CDK5RAP2: variants seen among roughly 807,000 people sequenced by gnomAD.
The protein encoded by CDK5RAP2 is CDK5 regulatory subunit-associated protein 2.
CDK5RAP2 carries 147 observed loss-of-function variants against 232.9 expected under a neutral mutation model. The observed-to-expected ratio is 0.63, with a 90% CI of 0.55 to 0.72. The LOEUF is 0.72. Ranked by LOEUF, CDK5RAP2 falls within the 30% of genes least tolerant of loss-of-function variation. The pLI is 0.00. For missense variants in CDK5RAP2, 2,195 were observed against 2,231.5 expected, an observed-to-expected ratio of 0.98 and a Z score of 0.33; for synonymous variants, 833 against 833.7, an observed-to-expected ratio of 1.00 and a Z score of 0.01.
chr9:120,447,906 G>A lies in CDK5RAP2; in HGVS notation c.3014C>T (p.Thr1005Met), dbSNP rs774185457. ...VMEGRPTPDKTLLNAQPPVGA... is the reference protein window; with the variant it reads ...VMEGRPTPDKMLLNAQPPVGA... ...TTCTTGGTGCTTACCATTCAGCAAC[G>A]TTTTGTCGGGCGTTGGCCTCCCCTC... Residue 1005 changes from threonine (T) to methionine (M), a missense_variant, in exon 22 of 38, where the codon ACG becomes ATG. Transcript: ENST00000349780. 1.4e-5 allele frequency: 23 copies of A among 1,613,648 alleles called. No homozygotes were observed. The highest frequency in any genetic ancestry group is 1.7e-4 in the Middle Eastern group (1 of 6,058).
rs2033239314 is a variant in CDK5RAP2, at chr9:120,403,773, G to A, written c.5041+263C>T. The A allele has an allele frequency of 1.9e-6, 1 of 514,420 alleles. No individual in the cohort carries two copies. Among genetic ancestry groups the A allele is most frequent in the Non-Finnish European group, 3.5e-6 (1 of 283,716 alleles). The allele number at this position is 514,420 out of a possible 1,614,324, so 31.9% of individuals were successfully genotyped here. A position where few individuals can be genotyped will look rare whatever the true frequency, so the allele number is the denominator to read the frequency against. On this transcript the variant is annotated intron_variant, in intron 33 of 37. Transcript: ENST00000349780. This position sits in a 1 kb window ranked among gnomAD's most constrained non-coding sequence, Gnocchi z 4.2. ...ACCCACTGGAGCTGGATCCTGGAGG[G>A]CCTTGAAAGCCTCACAAAGGTGGTC...
At chr9:120,390,803 C>T (rs926882336) in intron 36 of CDK5RAP2, among the ~76,000 whole-genome samples, 1 of 152,232 alleles carries the variant, frequency 6.6e-6, no homozygotes, top group African/African-American at 2.4e-5. Context: ...CCAGTGGCTT[C>T]TTCAGAATAG....
intron 1 of CDK5RAP2, among the ~76,000 whole-genome samples, chr9:120,574,011 C>T (rs141725304): frequency 1.1e-4 from 17 of 152,266 alleles, no homozygotes; most frequent in African/African-American, 3.4e-4. Context: ...TACATTAACT[C>T]CCACTGGCTA....
At chr9:120,478,444 C>T (rs1279342631) in intron 14 of CDK5RAP2, among the ~76,000 whole-genome samples, 1 of 152,068 alleles carries the variant, frequency 6.6e-6, no homozygotes, top group African/African-American at 2.4e-5. Context: ...TGAATAAATT[C>T]CAGAGATGTA....
Position 120,502,831 on chromosome 9 carries a change from G to A in CDK5RAP2, c.1312-11354C>T, listed in dbSNP as rs183310363. Among the ~76,000 whole-genome samples, 3 of 152,214 alleles carry A rather than the reference G, an allele frequency of 2.0e-5. No individual in the cohort carries two copies. In the East Asian group the frequency reaches 5.8e-4, roughly 29 times the overall value. Reference sequence around the variant, plus strand: ...TTGGGGAAAGTTAGGATACCAAAGAGTATAGACCGCTTCTCTTATTTTACT... The same window carrying A: ...TTGGGGAAAGTTAGGATACCAAAGAATATAGACCGCTTCTCTTATTTTACT... On this transcript the variant is annotated intron_variant, in intron 12 of 37. Coordinates refer to ENST00000349780, the MANE Select transcript of CDK5RAP2 (RefSeq NM_018249.6).
intron 16 of CDK5RAP2, among the ~76,000 whole-genome samples, chr9:120,470,977 C>G (rs2131527398): frequency 6.6e-6 from 1 of 152,270 alleles, no homozygotes; most frequent in South Asian, 2.1e-4. Context: ...CACGTCAAAC[C>G]CCAGCTGAGT....
chr9:120,456,773 C>A (rs1458300535), intron 20 of CDK5RAP2, among the ~76,000 whole-genome samples: 1 of 152,158 alleles, frequency 6.6e-6, no homozygotes, highest in Non-Finnish European at 1.5e-5. Context: ...TTACTCACCA[C>A]CAAACAACAC....
At chr9:120,517,846 G>A (rs947593414) in intron 12 of CDK5RAP2, 9 of 390,854 alleles carry the variant, frequency 2.3e-5, no homozygotes, top group African/African-American at 1.9e-4. Context: ...GATCACTTGA[G>A]CCCAGGAGTT....
chr9:120,521,410 A>G (rs1382532265), intron 11 of CDK5RAP2, among the ~76,000 whole-genome samples: 1 of 152,008 alleles, frequency 6.6e-6, no homozygotes, highest in African/African-American at 2.4e-5. Context: ...CCCACATGTC[A>G]TGGGAGGGAC....
chr9:120,453,068 C>T (rs906604547), intron 21 of CDK5RAP2, among the ~76,000 whole-genome samples: 1 of 152,182 alleles, frequency 6.6e-6, no homozygotes, highest in Non-Finnish European at 1.5e-5. Flanking sequence ...AATTTTGGGA[C>T]ATCTCCACAA....
Position 120,487,277 on chromosome 9 carries a change from A to AT in CDK5RAP2, c.1626+16dup. The AT allele has an allele frequency of 1.2e-6, 2 of 1,613,936 alleles. No individual in the cohort carries two copies. The highest frequency in any genetic ancestry group is 1.7e-6 in the Non-Finnish European group (2 of 1,179,914). ...GAATCCATTCGCATGTGAATGTCCA[A>AT]TTTCAGTCAAGCTTACCTTAGAGAA... is the stretch of plus-strand genomic sequence containing the variant. On this transcript the variant is annotated intron_variant, in intron 14 of 37. Transcript: ENST00000349780.
chr9:120,554,158 A>AT (rs990757040), intron 3 of CDK5RAP2, among the ~76,000 whole-genome samples: 1 of 152,206 alleles, frequency 6.6e-6, no homozygotes, highest in Non-Finnish European at 1.5e-5. Flanking sequence ...ATAGGTTACT[A>AT]TTTTTTAAAA....
chr9:120,481,497 G>GT (rs1405005745), intron 14 of CDK5RAP2, among the ~76,000 whole-genome samples: 1 of 141,590 alleles, frequency 7.1e-6, no homozygotes. Context: ...TGTCAATATT[G>GT]TTTTCTTTTT....
chr9:120,542,146 G>C (rs2041658253), intron 5 of CDK5RAP2, among the ~76,000 whole-genome samples: 1 of 152,186 alleles, frequency 6.6e-6, no homozygotes, highest in South Asian at 2.1e-4. Flanking sequence ...TATTAACATA[G>C]ATATTTTCCA....
At chr9:120,433,464 A>G (rs1170739132) in intron 25 of CDK5RAP2, among the ~76,000 whole-genome samples, 2 of 152,232 alleles carry the variant, frequency 1.3e-5, no homozygotes, top group Admixed American at 1.3e-4. Context: ...TTAGAATGCT[A>G]AGTTTACAGG....
At chr9:120,464,436 G>A (rs77871090) in intron 18 of CDK5RAP2, among the ~76,000 whole-genome samples, 1,660 of 152,180 alleles carry the variant, frequency 0.011, 36 homozygotes, top group African/African-American at 0.038. Context: ...AATGCCTGAC[G>A]CTCAATAACA....
chr9:120,501,162 C>T (rs534337288), intron 12 of CDK5RAP2, among the ~76,000 whole-genome samples: 87 of 152,334 alleles, frequency 5.7e-4, no homozygotes, highest in African/African-American at 1.5e-3. Flanking sequence ...TGTGGCTCTC[C>T]GCAGCCAGTT....
intron 15 of CDK5RAP2, among the ~76,000 whole-genome samples, chr9:120,474,185 G>C (rs1311669467): frequency 1.3e-5 from 2 of 152,174 alleles, no homozygotes; most frequent in Non-Finnish European, 2.9e-5. Flanking sequence ...AAAGACGTTA[G>C]GACAGGGGCT....
intron 12 of CDK5RAP2, chr9:120,517,807 C>G: frequency 3.1e-6 from 1 of 325,604 alleles, no homozygotes; most frequent in Non-Finnish European, 6.1e-6. Context: ...TGCCTATAAT[C>G]CCAGCTACTC....
Sources: allele counts gnomAD v4.1 joint callset (sites outside exome capture counted in the v4.1 genomes callset), GRCh38; gene constraint gnomAD v4.1.1; non-coding constraint Gnocchi (gnomAD v3.1); transcripts MANE v1.5; gene names NCBI Gene and HGNC (gene_info 2026-07-23, HGNC 2026-07-21).